Variants in MAGI1 observed in about 807,000 individuals in gnomAD.
MAGI1 encodes the protein membrane-associated guanylate kinase, WW and PDZ domain-containing protein 1.
A neutral mutation model predicts 139.9 loss-of-function variants in MAGI1; 58 were observed. The observed-to-expected ratio is 0.41, with a 90% confidence interval of 0.34 to 0.52. The LOEUF is 0.52. MAGI1 is among the 20% of genes least tolerant of loss of function. The pLI, the probability that MAGI1 is intolerant of heterozygous loss-of-function variation, is 0.12. For synonymous variants in MAGI1, 812 were observed against 737.9 expected (o/e 1.10, Z -1.63); for missense variants, 1,874 against 1,901.6 (o/e 0.99, Z 0.27).
intron 1 of MAGI1, among the ~76,000 whole-genome samples, chr3:65,773,584 A>T (rs1029171975): frequency 6.6e-6 from 1 of 152,134 alleles, no homozygotes; most frequent in Non-Finnish European, 1.5e-5. Flanking sequence ...GTAAACTCAG[A>T]ATACACTAGC....
At chr3:65,813,525 T>C (rs2041414125) in intron 1 of MAGI1, among the ~76,000 whole-genome samples, 2 of 152,178 alleles carry the variant, frequency 1.3e-5, no homozygotes, top group South Asian at 2.1e-4. Flanking sequence ...AAATATATAC[T>C]ACATAGTAAT....
At chr3:65,646,371 C>T (rs1245554683) in intron 1 of MAGI1, among the ~76,000 whole-genome samples, 1 of 151,818 alleles carries the variant, frequency 6.6e-6, no homozygotes. Context: ...TGTGTGTGCA[C>T]TAAACAAGAG....
intron 5 of MAGI1, among the ~76,000 whole-genome samples, chr3:65,468,947 C>CAATA (rs141122582): frequency 0.17 from 23,328 of 134,516 alleles, 2,208 homozygotes; most frequent in Non-Finnish European, 0.2. Flanking sequence ...GGAAGGGAAA[C>CAATA]AATAAATAAA....
chr3:65,762,769 A>T (rs1323972605), intron 1 of MAGI1, among the ~76,000 whole-genome samples: 1 of 152,146 alleles, frequency 6.6e-6, no homozygotes, highest in Non-Finnish European at 1.5e-5. Context: ...CCTGTTCTAC[A>T]GATGAGGAAA....
chr3:65,607,945 AG>A (rs1179189621), intron 2 of MAGI1, among the ~76,000 whole-genome samples: 1 of 152,258 alleles, frequency 6.6e-6, no homozygotes, highest in Non-Finnish European at 1.5e-5. Context: ...ATTTAAGAAT[AG>A]GTTTAAAAAA....
chr3:65,819,926 G>A (rs1465103505), intron 1 of MAGI1, among the ~76,000 whole-genome samples: 2 of 142,588 alleles, frequency 1.4e-5, no homozygotes, highest in East Asian at 4.3e-4. Flanking sequence ...GGCTGCTTAG[G>A]TCAACAGAAA....
At chr3:65,616,572 T>C (rs2106997708) in intron 2 of MAGI1, among the ~76,000 whole-genome samples, 1 of 152,296 alleles carries the variant, frequency 6.6e-6, no homozygotes, top group East Asian at 1.9e-4. Context: ...TTGTTACTAG[T>C]CATAGTTTTG....
chr3:65,984,512 A>ATGTATGTGTGTGTGTGTG (rs1273114460), intron 1 of MAGI1, among the ~76,000 whole-genome samples: 29 of 140,472 alleles, frequency 2.1e-4, no homozygotes, highest in African/African-American at 7.2e-4. Flanking sequence ...TCAAAATAAA[A>ATGTATGTGTGTGTGTGTG]TGTGTGTGTG....
At position 65,900,410 on chromosome 3, in the gene MAGI1, TAA is replaced by T. The variant is rs376376683; in HGVS notation, c.313+137584_313+137585del. On this transcript the variant is annotated intron_variant, in intron 1 of 22. Transcript: ENST00000402939. The stretch of plus-strand genomic sequence containing the variant: ...AGGTGATAAAGGTGTGAGCAAAAAT[TAA>T]AAGAGTCATGTATTATTTGCCTAGT... Among the ~76,000 whole-genome samples, 94 of 152,296 alleles carry T rather than the reference TAA, an allele frequency of 6.2e-4. 2 individuals are homozygous for T. The East Asian group carries it at 0.016, about 26-fold the overall frequency.
intron 2 of MAGI1, among the ~76,000 whole-genome samples, chr3:65,554,887 A>G (rs1438209114): frequency 6.6e-6 from 1 of 152,214 alleles, no homozygotes; most frequent in Non-Finnish European, 1.5e-5. Context: ...AATGTGAGAC[A>G]CTGGTTTGGA....
intron 1 of MAGI1, among the ~76,000 whole-genome samples, chr3:65,777,449 A>G (rs1478510822): frequency 6.6e-6 from 1 of 152,208 alleles, no homozygotes; most frequent in Non-Finnish European, 1.5e-5. Context: ...TAAAGGGACT[A>G]TATTTGGCAT....
At chr3:65,892,202 G>A (rs1288400898) in intron 1 of MAGI1, among the ~76,000 whole-genome samples, 3 of 151,768 alleles carry the variant, frequency 2.0e-5, no homozygotes, top group Non-Finnish European at 2.9e-5. Flanking sequence ...ATTCCCTCAA[G>A]GTTCAGTGAC....
At chr3:65,916,983 A>C (rs1413165668) in intron 1 of MAGI1, among the ~76,000 whole-genome samples, 1 of 152,202 alleles carries the variant, frequency 6.6e-6, no homozygotes, top group East Asian at 1.9e-4. Flanking sequence ...TTCTTTAAAA[A>C]TTTGTCTGGA....
chr3:65,579,014 G>A (rs765845403), intron 2 of MAGI1, among the ~76,000 whole-genome samples: 7 of 151,882 alleles, frequency 4.6e-5, no homozygotes, highest in Non-Finnish European at 1.0e-4. Flanking sequence ...ATTTTTTTGC[G>A]GGGGAGGGGT....
chr3:65,403,241 C>T (rs1309826877), intron 12 of MAGI1, among the ~76,000 whole-genome samples: 2 of 152,108 alleles, frequency 1.3e-5, no homozygotes, highest in East Asian at 1.9e-4. Flanking sequence ...AATGTCTACA[C>T]CTTTTCACCC....
chr3:65,400,607 G>A (rs1038463915), intron 13 of MAGI1, among the ~76,000 whole-genome samples: 1 of 152,034 alleles, frequency 6.6e-6, no homozygotes, highest in African/African-American at 2.4e-5. Context: ...GAGTTAAGCA[G>A]CATTTTAATT....
intron 1 of MAGI1, among the ~76,000 whole-genome samples, chr3:65,677,013 T>C (rs1403860532): frequency 1.3e-5 from 2 of 152,230 alleles, no homozygotes; most frequent in East Asian, 1.9e-4. Context: ...TATTTTATTA[T>C]GAGCTGTGCA....
At chr3:65,601,806 T>C (rs1248852249) in intron 2 of MAGI1, among the ~76,000 whole-genome samples, 2 of 145,264 alleles carry the variant, frequency 1.4e-5, no homozygotes, top group Admixed American at 1.3e-4. Flanking sequence ...TATCACCAAG[T>C]TAGTGAAAAG....
chr3:65,629,833 T>G (rs1212942598), intron 1 of MAGI1, among the ~76,000 whole-genome samples: 1 of 151,736 alleles, frequency 6.6e-6, no homozygotes, highest in Non-Finnish European at 1.5e-5. Flanking sequence ...TTGTGGATGC[T>G]GAAAAAGTTC....
Sources: allele counts gnomAD v4.1 joint callset (sites outside exome capture counted in the v4.1 genomes callset), GRCh38; gene constraint gnomAD v4.1.1; transcripts MANE v1.5; gene names NCBI Gene and HGNC (gene_info 2026-07-23, HGNC 2026-07-21).